Variants in BCAS3 observed in about 807,000 individuals in gnomAD.
BCAS3 encodes BCAS3 microtubule associated cell migration factor, also known as BCAS4/BCAS3 fusion.
BCAS3 carries 53 observed loss-of-function variants against 116.1 expected under a neutral mutation model. The ratio of observed to expected loss-of-function variants is 0.46; its 90% CI spans 0.37 to 0.57. BCAS3 has a LOEUF of 0.57. Among genes scored for constraint, BCAS3 ranks in the 20% least tolerant of loss-of-function variants. BCAS3 has a pLI of 0.00. For synonymous variants in BCAS3, 391 were observed against 408.2 expected (o/e 0.96, Z 0.51); for missense variants, 917 against 1,165.4 (o/e 0.79, Z 3.10).
intron 7 of BCAS3, among the ~76,000 whole-genome samples, chr17:60,844,800 A>G (rs2144776158): frequency 6.6e-6 from 1 of 152,320 alleles, no homozygotes; most frequent in Non-Finnish European, 1.5e-5. Context: ...GGAGGATATC[A>G]TTGTAGTCAG....
At chr17:61,237,487 C>T (rs2083155561) in intron 22 of BCAS3, among the ~76,000 whole-genome samples, 3 of 152,226 alleles carry the variant, frequency 2.0e-5, no homozygotes, top group East Asian at 1.9e-4. Flanking sequence ...CCCTAGCAGG[C>T]TGTGGAAGCT....
intron 6 of BCAS3, among the ~76,000 whole-genome samples, chr17:60,800,435 A>G (rs1314289259): frequency 2.0e-5 from 3 of 151,992 alleles, no homozygotes; most frequent in Non-Finnish European, 2.9e-5. Flanking sequence ...CCATTTTCTA[A>G]TTGGATTGTT....
At chr17:60,973,532 C>T (rs1383010337) in intron 14 of BCAS3, among the ~76,000 whole-genome samples, 1 of 150,852 alleles carries the variant, frequency 6.6e-6, no homozygotes, top group Non-Finnish European at 1.5e-5. Flanking sequence ...TGCCCTTTTT[C>T]GTCAGTGCTC....
intron 7 of BCAS3, among the ~76,000 whole-genome samples, chr17:60,834,314 A>G (rs1457481517): frequency 6.6e-6 from 1 of 152,028 alleles, no homozygotes; most frequent in Non-Finnish European, 1.5e-5. Context: ...GACAAGGAAA[A>G]TAATTGACTA....
At chr17:61,173,168 G>C (rs2078952686) in intron 22 of BCAS3, among the ~76,000 whole-genome samples, 1 of 151,950 alleles carries the variant, frequency 6.6e-6, no homozygotes, top group Non-Finnish European at 1.5e-5. Flanking sequence ...ATTGTTTTGA[G>C]GCTGGGCACG....
intron 14 of BCAS3, among the ~76,000 whole-genome samples, chr17:60,978,002 T>C (rs1211961901): frequency 3.5e-5 from 5 of 140,912 alleles, no homozygotes; most frequent in Non-Finnish European, 7.4e-5. Context: ...TTTATAGTCC[T>C]TTGGGTATAT....
rs2066403838 is a variant in BCAS3, at chr17:61,028,322, A to G, written c.1638-6344A>G. Among the ~76,000 whole-genome samples the G allele has an allele frequency of 6.6e-6, 1 of 151,858 alleles. No individual in the cohort carries two copies. Among genetic ancestry groups the G allele is most frequent in the African/African-American group, 2.4e-5 (1 of 41,428 alleles). ...CAGTTTGCAAAACTATTCTAAACAA[A>G]TTCAGGATATACAAGAATATAAATC... On this transcript the variant is annotated intron_variant, in intron 16 of 23. Coordinates refer to ENST00000407086, the MANE Select transcript of BCAS3 (RefSeq NM_017679.5). The surrounding 1 kb of genome is among the most constrained non-coding windows in gnomAD (Gnocchi z 4.3).
At chr17:60,717,744 G>A (rs2038796795) in intron 5 of BCAS3, among the ~76,000 whole-genome samples, 1 of 152,096 alleles carries the variant, frequency 6.6e-6, no homozygotes, top group Non-Finnish European at 1.5e-5. Context: ...TTGGCACCAG[G>A]GACCGGTTTT....
chr17:60,703,601 TG>T (rs997751479), intron 4 of BCAS3, among the ~76,000 whole-genome samples: 10 of 149,266 alleles, frequency 6.7e-5, no homozygotes, highest in Admixed American at 6.1e-4. Context: ...AGCTTTTACA[TG>T]GGTGCAGGAT....
At position 61,349,047 on chromosome 17, in the gene BCAS3, CG is replaced by C. The variant is rs530878358; in HGVS notation, c.2426-19278del. Among the ~76,000 whole-genome samples the C allele has an allele frequency of 4.2e-4, 64 of 151,700 alleles. No homozygotes were observed. The highest frequency in any genetic ancestry group is 8.1e-4 in the Non-Finnish European group (55 of 67,932). ...GATTACAGGCGTGAGCCACCGTGCC[CG>C]GCCCTCTTGGGCAGAGATTCTTAAG... On this transcript the variant is annotated intron_variant, in intron 22 of 23. Transcript: ENST00000407086. This position sits in a 1 kb window ranked among gnomAD's most constrained non-coding sequence, Gnocchi z 4.7.
rs1408008160 is a variant in BCAS3, at chr17:61,339,705, A to G, written c.2426-28622A>G. On this transcript the variant is annotated intron_variant, in intron 22 of 23. Coordinates refer to ENST00000407086, the MANE Select transcript of BCAS3 (RefSeq NM_017679.5). The surrounding 1 kb of genome is among the most constrained non-coding windows in gnomAD (Gnocchi z 4.4). ...CGCTCGAACCTAGGAGGTGGCGGTT[A>G]CAGTGAGCTGAGATCGCGCCACTGT... is the stretch of plus-strand genomic sequence containing the variant. Among the ~76,000 whole-genome samples, 1 of 151,858 alleles carries G rather than the reference A, an allele frequency of 6.6e-6. No homozygotes were observed. The highest frequency in any genetic ancestry group is 1.5e-5 in the Non-Finnish European group (1 of 67,968).
At chr17:61,101,327 G>A (rs775368195) in intron 22 of BCAS3, among the ~76,000 whole-genome samples, 1 of 152,068 alleles carries the variant, frequency 6.6e-6, no homozygotes, top group Non-Finnish European at 1.5e-5. Context: ...GCTGAAAAAG[G>A]CTTTCCACTT....
rs1158952633 is a variant in BCAS3 at position 61,097,430 on chromosome 17, G to A, written c.2425+12866G>A. On this transcript the variant is annotated intron_variant, in intron 22 of 23. Coordinates refer to ENST00000407086, the MANE Select transcript of BCAS3 (RefSeq NM_017679.5). This position sits in a 1 kb window ranked among gnomAD's most constrained non-coding sequence, Gnocchi z 4.0. Reference sequence around the variant, plus strand: ...CCTGACCTTGTGATCCGCCTGCCTCGGCCTCCCAAAGTGCTGGGATTAGCC... The same window carrying A: ...CCTGACCTTGTGATCCGCCTGCCTCAGCCTCCCAAAGTGCTGGGATTAGCC... Among the ~76,000 whole-genome samples, 6 of 152,016 alleles carry A rather than the reference G, an allele frequency of 3.9e-5. No homozygotes were observed. Among genetic ancestry groups the A allele is most frequent in the Admixed American group, 2.6e-4 (4 of 15,248 alleles).
intron 22 of BCAS3, among the ~76,000 whole-genome samples, chr17:61,125,851 C>A (rs2076021425): frequency 6.6e-6 from 1 of 152,140 alleles, no homozygotes; most frequent in African/African-American, 2.4e-5. Flanking sequence ...AGTTAAAATT[C>A]TTCCCCTCCT....
intron 22 of BCAS3, among the ~76,000 whole-genome samples, chr17:61,107,517 C>T (rs927054294): frequency 9.9e-5 from 15 of 152,198 alleles, no homozygotes; most frequent in Non-Finnish European, 2.2e-4. Context: ...GTTCCCATCC[C>T]ACCACCATCT....
intron 22 of BCAS3, among the ~76,000 whole-genome samples, chr17:61,232,273 G>A (rs1455934536): frequency 6.6e-6 from 1 of 151,678 alleles, no homozygotes; most frequent in African/African-American, 2.4e-5. Context: ...AAAGTCAGTG[G>A]TTATATGTTA....
Position 61,034,841 on chromosome 17 carries a change from T to C in BCAS3, c.1762+51T>C. 1.3e-6 allele frequency: 2 copies of C among 1,538,762 alleles called. No homozygotes were observed. The highest frequency in any genetic ancestry group is 1.7e-4 in the Middle Eastern group (1 of 5,740). On this transcript the variant is annotated intron_variant, in intron 17 of 23. Coordinates refer to ENST00000407086, the MANE Select transcript of BCAS3 (RefSeq NM_017679.5). The surrounding 1 kb of genome is among the most constrained non-coding windows in gnomAD (Gnocchi z 5.0). ...TGCTCTATTTGTAATTTTTGCTTCT[T>C]AAGGAAAATTTTTAGCAGTTTCCCT... is the stretch of plus-strand genomic sequence containing the variant.
intron 12 of BCAS3, among the ~76,000 whole-genome samples, chr17:60,911,513 G>T (rs2058510762): frequency 6.6e-6 from 1 of 152,160 alleles, no homozygotes; most frequent in South Asian, 2.1e-4. Context: ...GGCCAGGCTG[G>T]TCTCGGACTC....
chr17:60,887,254 C>G (rs910916918), intron 9 of BCAS3: 1 of 151,624 alleles, frequency 6.6e-6, no homozygotes, highest in Non-Finnish European at 1.5e-5. Flanking sequence ...AGGGAACTCC[C>G]TGACCCCTTG....
Sources: allele counts gnomAD v4.1 joint callset (sites outside exome capture counted in the v4.1 genomes callset), GRCh38; gene constraint gnomAD v4.1.1; non-coding constraint Gnocchi (gnomAD v3.1); transcripts MANE v1.5; gene names NCBI Gene and HGNC (gene_info 2026-07-23, HGNC 2026-07-21).